The following RGSL1 variants were observed in gnomAD, a reference collection of about 807,000 sequenced individuals.
RGSL1 encodes the protein regulator of G protein signaling like 1.
In RGSL1, 97 loss-of-function variants were observed where a neutral mutation model predicts 124.7. That is an observed-to-expected ratio of 0.78 (90% confidence interval 0.66 to 0.92). The LOEUF is 0.92. Among genes scored for constraint, RGSL1 ranks in the 40% least tolerant of loss-of-function variants. The pLI, the probability that RGSL1 is intolerant of heterozygous loss-of-function variation, is 0.00. For missense variants in RGSL1, 1,233 were observed against 1,288.4 expected, an observed-to-expected ratio of 0.96 and a Z score of 0.66; for synonymous variants, 424 against 438.1, an observed-to-expected ratio of 0.97 and a Z score of 0.40.
At chr1:182,501,317 T>C (rs1433601651) in intron 9 of RGSL1, among the ~76,000 whole-genome samples, 37 of 108,228 alleles carry the variant, frequency 3.4e-4, no homozygotes, top group Non-Finnish European at 5.0e-4. Context: ...CTTTTTTTTT[T>C]TTTTTTTTTT....
intron 15 of RGSL1, among the ~76,000 whole-genome samples, chr1:182,543,827 T>C (rs1660041582): frequency 6.6e-6 from 1 of 152,114 alleles, no homozygotes; most frequent in Non-Finnish European, 1.5e-5. Flanking sequence ...GGTGTATAGT[T>C]GTACATCATA....
chr1:182,556,645 G>A (rs776959756), intron 21 of RGSL1, among the ~76,000 whole-genome samples: 17 of 152,106 alleles, frequency 1.1e-4, no homozygotes, highest in Admixed American at 2.0e-4. Context: ...CTGATTTTTT[G>A]TCCTGTTCTT....
chr1:182,500,801 A>T (rs190535955), intron 9 of RGSL1, among the ~76,000 whole-genome samples: 1 of 152,334 alleles, frequency 6.6e-6, no homozygotes, highest in East Asian at 1.9e-4. Flanking sequence ...CATTGTGAGT[A>T]TATAGAAATA....
chr1:182,548,859 C>T (rs1571712432), intron 17 of RGSL1, 35 bp downstream of exon 17: 1 of 1,547,290 alleles, frequency 6.5e-7, no homozygotes, highest in Non-Finnish European at 8.7e-7. Flanking sequence ...ACTGTTAGGT[C>T]AGGAAAACAC....
At chr1:182,449,092 C>A (rs1023440959), upstream of RGSL1, among the ~76,000 whole-genome samples, 1 of 152,288 alleles carries the variant, frequency 6.6e-6, no homozygotes, top group East Asian at 1.9e-4. Context: ...ACTGAACTCT[C>A]TTAAGATGTG....
intron 6 of RGSL1, among the ~76,000 whole-genome samples, chr1:182,476,061 C>T (rs1006386553): frequency 6.6e-6 from 1 of 152,096 alleles, no homozygotes; most frequent in Admixed American, 6.5e-5. Context: ...CTGGAGTTTT[C>T]GGCTCTAAGT....
intron 6 of RGSL1, among the ~76,000 whole-genome samples, chr1:182,486,679 T>C (rs898130027): frequency 6.6e-6 from 1 of 151,982 alleles, no homozygotes; most frequent in African/African-American, 2.4e-5. Context: ...TTTTTACTTA[T>C]TTATTTATTT....
intron 9 of RGSL1, among the ~76,000 whole-genome samples, chr1:182,513,624 T>C (rs1252599733): frequency 6.6e-6 from 1 of 152,208 alleles, no homozygotes; most frequent in Non-Finnish European, 1.5e-5. Context: ...TGGACTTGCA[T>C]GGTGACTCTT....
At chr1:182,522,151 T>C (rs1173617520) in intron 10 of RGSL1, 42 bp downstream of exon 10, 1 of 1,401,442 alleles carries the variant, frequency 7.1e-7, no homozygotes, top group Non-Finnish European at 9.8e-7. Context: ...TTCAGGTACA[T>C]GCTTTTGAAA....
chr1:182,508,068 T>C (rs190609047), intron 9 of RGSL1, among the ~76,000 whole-genome samples: 103 of 152,276 alleles, frequency 6.8e-4, no homozygotes, highest in African/African-American at 2.3e-3. Flanking sequence ...CTGTGTTACA[T>C]GGTAGTTCTA....
chr1:182,473,560 C>A lies in RGSL1; in HGVS notation c.464-15C>A. The A allele has an allele frequency of 6.6e-7, 1 of 1,504,884 alleles. No homozygotes were observed. Among genetic ancestry groups the A allele is most frequent in the South Asian group, 1.3e-5 (1 of 75,934 alleles). The allele number at this position is 1,504,884 out of a possible 1,614,324, so 93.2% of individuals were successfully genotyped here. A position where few individuals can be genotyped will look rare whatever the true frequency, so the allele number is the denominator to read the frequency against. On this transcript the variant is annotated splice_polypyrimidine_tract_variant and intron_variant, in intron 5 of 21. Coordinates refer to ENST00000294854, the MANE Select transcript of RGSL1 (RefSeq NM_001137669.2). ...CCCATCATTTTCACCCATGATTTCT[C>A]TGTATTATTTCCAGAGTCCCTCCTG...
rs1313400321 is a variant in RGSL1 at position 182,460,067 on chromosome 1, A to C, written c.235A>C (p.Thr79Pro). Residue 79 changes from threonine to proline, a missense_variant, in exon 4 of 22, where the codon ACA becomes CCA. By Grantham distance (38) the Thr-to-Pro change is conservative. Transcript: ENST00000294854. The part of the protein sequence containing the change: ...EKCRLPFFCK[T>P]NLCFHYILCQ... ...ATGCCGATTACCTTTCTTCTGTAAA[A>C]CAAACTTGTGTTTCCATTACATTCT... The C allele has an allele frequency of 8.4e-6, 13 of 1,551,562 alleles. No individual in the cohort carries two copies. Among genetic ancestry groups the C allele is most frequent in the Admixed American group, 2.0e-5 (1 of 50,972 alleles).
chr1:182,458,484 T>C, intron 3 of RGSL1, 91 bp downstream of exon 3: 1 of 1,116,128 alleles, frequency 9.0e-7, no homozygotes, highest in Non-Finnish European at 1.3e-6. Flanking sequence ...TTGTTTTTGT[T>C]TTGGAGATGG....
At chr1:182,554,872 G>C in intron 20 of RGSL1, 179 bp downstream of exon 20, 1 of 621,210 alleles carries the variant, frequency 1.6e-6, no homozygotes, top group Non-Finnish European at 2.8e-6. Context: ...TTCTCTGTGG[G>C]GGTCCTTTCT....
At chr1:182,488,026 A>G (rs1655223089) in intron 6 of RGSL1, among the ~76,000 whole-genome samples, 1 of 152,160 alleles carries the variant, frequency 6.6e-6, no homozygotes, top group Admixed American at 6.5e-5. Flanking sequence ...TGGTTCTGTA[A>G]ATTATTTGTC....
At chr1:182,471,047 G>A (rs1244345603) in intron 4 of RGSL1, among the ~76,000 whole-genome samples, 1 of 152,166 alleles carries the variant, frequency 6.6e-6, no homozygotes, top group Non-Finnish European at 1.5e-5. Flanking sequence ...TTTGGTTGGA[G>A]GGTGTTTATG....
At chr1:182,558,290 C>T (rs888377661) in intron 21 of RGSL1, among the ~76,000 whole-genome samples, 1 of 152,084 alleles carries the variant, frequency 6.6e-6, no homozygotes. Context: ...ACACTAGATC[C>T]AGGGGCCACT....
chr1:182,494,472 A>C (rs997139454), intron 9 of RGSL1, among the ~76,000 whole-genome samples: 2 of 152,174 alleles, frequency 1.3e-5, no homozygotes, highest in African/African-American at 2.4e-5. Context: ...TGTTAAAATT[A>C]ATTTCACCCT....
At chr1:182,499,048 C>A (rs1010670701) in intron 9 of RGSL1, among the ~76,000 whole-genome samples, 24 of 152,220 alleles carry the variant, frequency 1.6e-4, no homozygotes, top group Non-Finnish European at 1.0e-4. Context: ...CTGCCTCAAC[C>A]TCCCAAAGTG....
Sources: allele counts gnomAD v4.1 joint callset (sites outside exome capture counted in the v4.1 genomes callset), GRCh38; gene constraint gnomAD v4.1.1; transcripts MANE v1.5; gene names NCBI Gene and HGNC (gene_info 2026-07-23, HGNC 2026-07-21).